Variants in CHPF2 observed in about 807,000 individuals in gnomAD.
CHPF2 encodes the protein chondroitin polymerizing factor 2, non-catalytic subunit.
A neutral mutation model predicts 63.0 loss-of-function variants in CHPF2; 58 were observed. That is an observed-to-expected ratio of 0.92 (90% confidence interval 0.75 to 1.15). The LOEUF (loss-of-function observed/expected upper bound fraction) is 1.15. CHPF2 is among the 50% of genes most tolerant of loss of function. CHPF2 has a pLI of 0.00. For synonymous variants in CHPF2, 442 were observed against 438.0 expected, an observed-to-expected ratio of 1.01 and a Z score of -0.11; for missense variants, 1,045 against 1,035.4, an observed-to-expected ratio of 1.01 and a Z score of -0.13.
chr7:151,235,017 G>T (rs1311463246), intron 1 of CHPF2, 31 bp from the exon 2 acceptor site: 2 of 1,506,890 alleles, frequency 1.3e-6, no homozygotes, highest in African/African-American at 1.4e-5. Context: ...AGATTAGGGA[G>T]TTGACCTCTG....
Position 151,237,398 on chromosome 7 carries a change from C to G in CHPF2, c.1036C>G (p.Leu346Val). 1 of 1,602,408 alleles carries G rather than the reference C, an allele frequency of 6.2e-7. No individual in the cohort carries two copies. The highest frequency in any genetic ancestry group is 8.5e-7 in the Non-Finnish European group (1 of 1,171,256). The change falls in exon 4 of 4, where the codon CTG (leucine) becomes GTG (valine). Residue 346 changes from leucine to valine, a missense_variant. Physicochemically the swap from Leu to Val is conservative, Grantham distance 32. Coordinates refer to ENST00000035307, the MANE Select transcript of CHPF2 (RefSeq NM_019015.3). ...GGCTCAGATCCGGAACCTGACCGTG[C>G]TGACCCCCGAAGGGGAGGCAGGGCT... ...LQAQIRNLTV[L>V]TPEGEAGLSW...
chr7:151,233,779 G>A lies in CHPF2; in HGVS notation c.-233G>A. On this transcript the variant is annotated 5_prime_UTR_variant, in exon 1 of 4. Transcript: ENST00000035307. ...TTTCATTTATTACCGTTTTGGCTGGGGGTTAGTTCCGACACCTTCACAGTT... is the reference window on the plus strand; with the variant it reads ...TTTCATTTATTACCGTTTTGGCTGGAGGTTAGTTCCGACACCTTCACAGTT... 8.1e-7 allele frequency: 1 copy of A among 1,230,924 alleles called. No homozygotes were observed. The allele number at this position is 1,230,924 out of a possible 1,614,324, so 76.3% of individuals were successfully genotyped here. A position where few individuals can be genotyped will look rare whatever the true frequency, so the allele number is the denominator to read the frequency against.
In CHPF2 at chr7:151,234,268, T is replaced by C. The variant is rs1185366829; in HGVS notation, c.257T>C (p.Val86Ala). 1 of 1,585,170 alleles carries C rather than the reference T, an allele frequency of 6.3e-7. No homozygotes were observed. Among genetic ancestry groups the C allele is most frequent in the Non-Finnish European group, 8.6e-7 (1 of 1,165,702 alleles). ...YRDPNKPYKK[V>A]LRTRYIQTEL... ...GACCCCAACAAGCCCTACAAGAAGGTGCTCAGGTGAGAGCAACATGTGTGC... is the reference window on the plus strand; with the variant it reads ...GACCCCAACAAGCCCTACAAGAAGGCGCTCAGGTGAGAGCAACATGTGTGC... The change falls in exon 1 of 4, where the codon GTG becomes GCG. Residue 86 changes from valine (V) to alanine (A), a missense_variant. Physicochemically the swap from Val to Ala is moderately conservative, Grantham distance 64 (BLOSUM62 0). Coordinates refer to ENST00000035307, the MANE Select transcript of CHPF2 (RefSeq NM_019015.3).
rs748277309 is a variant in CHPF2 at position 151,237,440 on chromosome 7, C to T, written c.1078C>T (p.Leu360Phe). The change falls in exon 4 of 4, where the codon CTC becomes TTC. Residue 360 changes from leucine (L) to phenylalanine (F), a missense_variant. Coordinates refer to ENST00000035307, the MANE Select transcript of CHPF2 (RefSeq NM_019015.3). ...GEAGLSWPVG[L>F]PAPFTPHSRF... Reference sequence around the variant, plus strand: ...GGCAGGGCTGAGCTGGCCCGTTGGGCTCCCTGCTCCTTTCACACCACACTC... The same window carrying T: ...GGCAGGGCTGAGCTGGCCCGTTGGGTTCCCTGCTCCTTTCACACCACACTC... 5 of 1,613,068 alleles carry T rather than the reference C, an allele frequency of 3.1e-6. No homozygotes were observed. In the East Asian group the frequency reaches 6.7e-5, roughly 22 times the overall value.
chr7:151,232,532 G>GAGCCGGCGCCTC lies in CHPF2; in HGVS notation c.-1476_-1465dup, dbSNP rs1360231767. On this transcript the variant is annotated 5_prime_UTR_variant, in exon 1 of 4. Transcript: ENST00000035307. Reference sequence around the variant, plus strand: ...TGAGGTGGCAGCGGCTGCAGCGGCGGAGCCGGCGCCTCAGCGGGCACTGGG... The same window carrying GAGCCGGCGCCTC: ...TGAGGTGGCAGCGGCTGCAGCGGCGGAGCCGGCGCCTCAGCCGGCGCCTCAGCGGGCACTGGG... 3.9e-6 allele frequency: 2 copies of GAGCCGGCGCCTC among 507,830 alleles called. No individual in the cohort carries two copies. The highest frequency in any genetic ancestry group is 2.0e-5 in the African/African-American group (1 of 48,912). 31.5% of individuals were successfully genotyped at this position (507,830 alleles called of 1,614,324 possible).
Position 151,237,383 on chromosome 7 carries a change from C to T in CHPF2, c.1021C>T (p.Arg341Trp), listed in dbSNP as rs766740377. 59 of 1,592,080 alleles carry T rather than the reference C, an allele frequency of 3.7e-5. No individual in the cohort carries two copies. The highest frequency in any genetic ancestry group is 4.6e-5 in the Non-Finnish European group (54 of 1,164,556). Reference sequence around the variant, plus strand: ...ATTCCCTCCAACCCAGGCTCAGATCCGGAACCTGACCGTGCTGACCCCCGA... The same window carrying T: ...ATTCCCTCCAACCCAGGCTCAGATCTGGAACCTGACCGTGCTGACCCCCGA... Reference protein sequence around the residue: ...SEIEQLQAQIRNLTVLTPEGE... With the variant: ...SEIEQLQAQIWNLTVLTPEGE... Residue 341 changes from arginine (R) to tryptophan (W), a missense_variant, in exon 4 of 4, where the codon CGG (arginine) becomes TGG (tryptophan). Arg to Trp is a moderately radical substitution (Grantham distance 101). Transcript: ENST00000035307.
intron 1 of CHPF2, 51 bp from the exon 2 acceptor site, chr7:151,234,996 TG>T: frequency 7.0e-7 from 1 of 1,421,042 alleles, no homozygotes; most frequent in Admixed American, 2.3e-5. Flanking sequence ...CTGAACAAGC[TG>T]GGTTCCTAAA....
chr7:151,238,170 T>G lies in CHPF2; in HGVS notation c.1808T>G (p.Val603Gly). 6.2e-7 allele frequency: 1 copy of G among 1,612,824 alleles called. No homozygotes were observed. The highest frequency in any genetic ancestry group is 1.1e-5 in the South Asian group (1 of 91,092). The change falls in exon 4 of 4, where the codon GTC becomes GGC. Residue 603 changes from valine to glycine, a missense_variant. Coordinates refer to ENST00000035307, the MANE Select transcript of CHPF2 (RefSeq NM_019015.3). The part of the protein sequence containing the change: ...TTVWTRPGPE[V>G]LNRCRMNAIS... The stretch of plus-strand genomic sequence containing the variant: ...GTGTGGACAAGGCCTGGGCCCGAAG[T>G]CCTCAACCGCTGTCGCATGAATGCC...
rs1802546062 is a variant in CHPF2, at chr7:151,233,823, G to A, written c.-189G>A. Reference sequence around the variant, plus strand: ...CACAGTTGAAGAGCAGGCAGAAGGAGTTGTGAAGACAGGACAATCTTCTTG... The same window carrying A: ...CACAGTTGAAGAGCAGGCAGAAGGAATTGTGAAGACAGGACAATCTTCTTG... On this transcript the variant is annotated 5_prime_UTR_variant, in exon 1 of 4. Coordinates refer to ENST00000035307, the MANE Select transcript of CHPF2 (RefSeq NM_019015.3). 2 of 1,248,232 alleles carry A rather than the reference G, an allele frequency of 1.6e-6. No homozygotes were observed. The highest frequency in any genetic ancestry group is 1.5e-5 in the African/African-American group (1 of 64,948). The allele number at this position is 1,248,232 out of a possible 1,614,324, so 77.3% of individuals were successfully genotyped here.
At position 151,237,676 on chromosome 7, in the gene CHPF2, A is replaced by G. The variant is rs1468631528; in HGVS notation, c.1314A>G (p.Pro438=). 6.2e-7 allele frequency: 1 copy of G among 1,613,160 alleles called. No homozygotes were observed. Among genetic ancestry groups the G allele is most frequent in the East Asian group, 2.2e-5 (1 of 44,882 alleles). ...TCAACGGCTATCGGCGCTTCGACCC[A>G]GCACGGGGCATGGAGTACACCCTGG... The part of the protein sequence containing the change: ...RLLNGYRRFD[P]ARGMEYTLDL... The change falls in exon 4 of 4, where the codon CCA becomes CCG. Residue 438 remains proline, a synonymous_variant. Coordinates refer to ENST00000035307, the MANE Select transcript of CHPF2 (RefSeq NM_019015.3).
At position 151,232,736 on chromosome 7, in the gene CHPF2, T is replaced by TC; in HGVS notation, c.-1273dup. On this transcript the variant is annotated 5_prime_UTR_variant, in exon 1 of 4. Coordinates refer to ENST00000035307, the MANE Select transcript of CHPF2 (RefSeq NM_019015.3). ...GCCTCCTCCCCGAGGGCCTTGGGCGTCCCTCCTGGTCCTGCGCTCGCGGCC... is the reference window on the plus strand; with the variant it reads ...GCCTCCTCCCCGAGGGCCTTGGGCGTCCCCTCCTGGTCCTGCGCTCGCGGCC... The TC allele has an allele frequency of 6.6e-7, 1 of 1,505,684 alleles. No homozygotes were observed. Among genetic ancestry groups the TC allele is most frequent in the Non-Finnish European group, 8.8e-7 (1 of 1,133,740 alleles). 93.3% of individuals were successfully genotyped at this position (1,505,684 alleles called of 1,614,324 possible). A position where few individuals can be genotyped will look rare whatever the true frequency, so the allele number is the denominator to read the frequency against.
chr7:151,234,121 A>G lies in CHPF2; in HGVS notation c.110A>G (p.Glu37Gly), dbSNP rs1290287844. The G allele has an allele frequency of 2.5e-6, 4 of 1,607,214 alleles. No homozygotes were observed. Among genetic ancestry groups the G allele is most frequent in the South Asian group, 1.1e-5 (1 of 90,364 alleles). ...SLLRVSWIQG[E>G]GEDPCVEAVG... ...CTGCGGGTTTCCTGGATCCAGGGGG[A>G]GGGAGAAGATCCCTGTGTCGAGGCT... The change falls in exon 1 of 4, where the codon GAG becomes GGG. Residue 37 changes from glutamate to glycine, a missense_variant. Physicochemically the swap from Glu to Gly is moderately conservative, Grantham distance 98. Transcript: ENST00000035307.
Position 151,236,392 on chromosome 7 carries a change from CTG to C in CHPF2, c.829-15_829-14del. 1 of 1,548,596 alleles carries C rather than the reference CTG, an allele frequency of 6.5e-7. No individual in the cohort carries two copies. The highest frequency in any genetic ancestry group is 1.4e-5 in the African/African-American group (1 of 72,994). On this transcript the variant is annotated splice_polypyrimidine_tract_variant and intron_variant, in intron 2 of 3. Coordinates refer to ENST00000035307, the MANE Select transcript of CHPF2 (RefSeq NM_019015.3). ...GCTCTTGTGTGTGTCATTGATTGGT[CTG>C]ATTGTCCCTCTAGGGGCAGCAGTAT...
Position 151,238,310 on chromosome 7 carries a change from C to T in CHPF2, c.1948C>T (p.Pro650Ser). The T allele has an allele frequency of 6.2e-7, 1 of 1,610,618 alleles. No individual in the cohort carries two copies. Among genetic ancestry groups the T allele is most frequent in the South Asian group, 1.1e-5 (1 of 90,954 alleles). Residue 650 changes from proline to serine, a missense_variant, in exon 4 of 4, where the codon CCT becomes TCT. Physicochemically the swap from Pro to Ser is moderately conservative, Grantham distance 74. Transcript: ENST00000035307. Reference sequence around the variant, plus strand: ...GGCTGGCCCTGACCCCCCCTCCCCTCCTGGTGCTGACCCCTCCCGGGGGGC... The same window carrying T: ...GGCTGGCCCTGACCCCCCCTCCCCTTCTGGTGCTGACCCCTCCCGGGGGGC... ...PGAGPDPPSP[P>S]GADPSRGAPI...
Position 151,235,366 on chromosome 7 carries a change from C to T in CHPF2, c.582C>T (p.Ala194=), listed in dbSNP as rs1228992944. Residue 194 remains alanine (A), a synonymous_variant, in exon 2 of 4, where the codon GCC becomes GCT. Transcript: ENST00000035307. Reference sequence around the variant, plus strand: ...ATGTGCAGGCCCCCCGCCTGGCAGCCCTTGCTGGCCACCTCAGCATCAACC... The same window carrying T: ...ATGTGCAGGCCCCCCGCCTGGCAGCTCTTGCTGGCCACCTCAGCATCAACC... ...DTYVQAPRLA[A]LAGHLSINQD... 1 of 1,613,880 alleles carries T rather than the reference C, an allele frequency of 6.2e-7. No homozygotes were observed. The highest frequency in any genetic ancestry group is 1.1e-5 in the South Asian group (1 of 91,088).
rs369576814 is a variant in CHPF2, at chr7:151,237,927, T to G, written c.1565T>G (p.Leu522Trp). Residue 522 changes from leucine (L) to tryptophan (W), a missense_variant, in exon 4 of 4, where the codon TTG becomes TGG. Physicochemically the swap from Leu to Trp is moderately conservative, Grantham distance 61. Transcript: ENST00000035307. ...GTCCTGGAGCCACGAGAACATGCAT[T>G]GCTCACCCTGTTGCTGGTCTACGGG... ...ANVLEPREHA[L>W]LTLLLVYGPR... is the part of the protein sequence containing the mutation. 19 of 1,612,900 alleles carry G rather than the reference T, an allele frequency of 1.2e-5. No individual in the cohort carries two copies. The highest frequency in any genetic ancestry group is 1.4e-5 in the Non-Finnish European group (17 of 1,180,020).
rs1802719855 is a variant in CHPF2 at position 151,237,767 on chromosome 7, C to T, written c.1405C>T (p.Leu469=). The part of the protein sequence containing the change: ...RRALARRVSL[L]RPLSRVEILP... ...GGCCCTGGCTCGCAGGGTCAGCCTG[C>T]TGCGGCCACTGAGCCGGGTGGAAAT... is the stretch of plus-strand genomic sequence containing the variant. The change falls in exon 4 of 4, where the codon CTG becomes TTG. Residue 469 remains leucine, a synonymous_variant. Coordinates refer to ENST00000035307, the MANE Select transcript of CHPF2 (RefSeq NM_019015.3). The T allele has an allele frequency of 2.5e-6, 4 of 1,612,416 alleles. No homozygotes were observed. In the East Asian group the frequency reaches 8.9e-5, roughly 36 times the overall value.
chr7:151,237,267 T>G, intron 3 of CHPF2, 107 bp from the exon 4 acceptor site: 2 of 781,266 alleles, frequency 2.6e-6, no homozygotes, highest in Non-Finnish European at 4.1e-6. Flanking sequence ...TAAGTGTTGA[T>G]GGAGTTAGGA....
In CHPF2 at chr7:151,238,218, T is replaced by A. The variant is rs776791941; in HGVS notation, c.1856T>A (p.Phe619Tyr). ...GCCATCTCTGGCTGGCAGGCCTTCT[T>A]TCCAGTCCATTTCCAGGAGTTCAAT... The part of the protein sequence containing the change: ...MNAISGWQAF[F>Y]PVHFQEFNPA... Residue 619 changes from phenylalanine to tyrosine, a missense_variant, in exon 4 of 4, where the codon TTT (phenylalanine) becomes TAT (tyrosine). Transcript: ENST00000035307. The A allele has an allele frequency of 2.1e-5, 34 of 1,612,746 alleles. No homozygotes were observed. The highest frequency in any genetic ancestry group is 1.2e-4 in the Admixed American group (7 of 60,000).
Sources: allele counts gnomAD v4.1 joint callset, GRCh38; gene constraint gnomAD v4.1.1; transcripts MANE v1.5; gene names NCBI Gene and HGNC (gene_info 2026-07-23, HGNC 2026-07-21).